The following MORC1 variants were observed in gnomAD, a reference collection of about 807,000 sequenced individuals.
MORC1 encodes the protein MORC family CW-type zinc finger 1.
MORC1 carries 59 observed loss-of-function variants against 134.9 expected under a neutral mutation model. That is an observed-to-expected ratio of 0.44 (90% CI 0.35 to 0.54). The LOEUF (loss-of-function observed/expected upper bound fraction) is 0.54. MORC1 is among the 20% of genes least tolerant of loss of function. The pLI is 0.00. For synonymous variants in MORC1, 395 were observed against 391.7 expected, an observed-to-expected ratio of 1.01 and a Z score of -0.10; for missense variants, 947 against 1,134.5, an observed-to-expected ratio of 0.83 and a Z score of 2.37.
intron 14 of MORC1, among the ~76,000 whole-genome samples, chr3:109,051,291 T>C (rs146883078): frequency 6.6e-6 from 1 of 152,226 alleles, no homozygotes; most frequent in Non-Finnish European, 1.5e-5. Flanking sequence ...CATCAGACTT[T>C]CAGCAAATAT....
chr3:109,044,853 G>A lies in MORC1; in HGVS notation c.1331-9385C>T, dbSNP rs542911304. ...CCAGCTACTTGGGAGGCTTAGGCAGGAGAATTGCTTGAAGCCAGGAGGTGG... is the reference window on the plus strand; with the variant it reads ...CCAGCTACTTGGGAGGCTTAGGCAGAAGAATTGCTTGAAGCCAGGAGGTGG... On this transcript the variant is annotated intron_variant, in intron 14 of 27. Transcript: ENST00000232603. Among the ~76,000 whole-genome samples, 81 of 70,582 alleles carry A rather than the reference G, an allele frequency of 1.1e-3. 1 individual carries two copies. The East Asian group carries it at 0.13, about 118-fold the overall frequency. 46.3% of individuals were successfully genotyped at this position (70,582 alleles called of 152,430 possible).
At chr3:109,093,231 C>T (rs998857289) in intron 8 of MORC1, among the ~76,000 whole-genome samples, 1 of 152,138 alleles carries the variant, frequency 6.6e-6, no homozygotes, top group Non-Finnish European at 1.5e-5. Flanking sequence ...GCCCCAGACC[C>T]TGTACTTCTC....
intron 12 of MORC1, among the ~76,000 whole-genome samples, chr3:109,057,994 C>T (rs959456865): frequency 1.3e-5 from 2 of 152,202 alleles, no homozygotes; most frequent in Non-Finnish European, 2.9e-5. Context: ...AGCAAGTTTA[C>T]AAGGGCAACA....
At position 109,107,938 on chromosome 3, in the gene MORC1, G is replaced by A. The variant is rs186623200; in HGVS notation, c.154+2811C>T. The stretch of plus-strand genomic sequence containing the variant: ...CAGCCATGCCTGGTGGCTCATGCCA[G>A]TAATCCCAGCACTTTGGGAGGCTGA... On this transcript the variant is annotated intron_variant, in intron 3 of 27. Coordinates refer to ENST00000232603, the MANE Select transcript of MORC1 (RefSeq NM_014429.4). Among the ~76,000 whole-genome samples the A allele has an allele frequency of 3.3e-5, 5 of 152,304 alleles. No homozygotes were observed. In the East Asian group the frequency reaches 9.7e-4, roughly 29 times the overall value.
chr3:109,089,521 T>C (rs1171402143), intron 8 of MORC1, among the ~76,000 whole-genome samples: 1 of 152,122 alleles, frequency 6.6e-6, no homozygotes, highest in East Asian at 1.9e-4. Flanking sequence ...TAAACTTTAA[T>C]CATCTGTATG....
chr3:109,114,281 C>T (rs2107809835), intron 2 of MORC1, 103 bp downstream of exon 2: 2 of 1,031,908 alleles, frequency 1.9e-6, no homozygotes, highest in African/African-American at 1.7e-5. Flanking sequence ...CAAAACATTC[C>T]AGATGGGAAA....
At chr3:108,990,930 A>G (rs893832811) in intron 21 of MORC1, among the ~76,000 whole-genome samples, 1 of 146,422 alleles carries the variant, frequency 6.8e-6, no homozygotes, top group Admixed American at 6.8e-5. Flanking sequence ...CTCTCTCTCA[A>G]CTGTATTATT....
At chr3:109,035,124 G>A (rs564215310) in intron 15 of MORC1, among the ~76,000 whole-genome samples, 7 of 151,954 alleles carry the variant, frequency 4.6e-5, no homozygotes, top group Non-Finnish European at 8.8e-5. Flanking sequence ...CCTTTTCTTT[G>A]AACCCTCAAA....
intron 8 of MORC1, among the ~76,000 whole-genome samples, chr3:109,088,518 T>C (rs550000136): frequency 1.3e-5 from 2 of 152,072 alleles, no homozygotes; most frequent in South Asian, 4.1e-4. Flanking sequence ...AAACCTACCA[T>C]CTCACACCAG....
At chr3:109,049,507 A>C (rs1459818281) in intron 14 of MORC1, among the ~76,000 whole-genome samples, 1 of 152,154 alleles carries the variant, frequency 6.6e-6, no homozygotes, top group East Asian at 1.9e-4. Context: ...TAAATCTGGG[A>C]ATATAACACA....
chr3:108,960,815 T>TC (rs1553738649), intron 27 of MORC1, among the ~76,000 whole-genome samples: 55 of 151,780 alleles, frequency 3.6e-4, no homozygotes, highest in Admixed American at 1.1e-3. Context: ...TAAAAATCTT[T>TC]AAAAAAAAAT....
At chr3:109,077,195 C>T (rs1950440028) in intron 8 of MORC1, among the ~76,000 whole-genome samples, 1 of 152,090 alleles carries the variant, frequency 6.6e-6, no homozygotes, top group East Asian at 1.9e-4. Flanking sequence ...AATAAAGACA[C>T]TTGTAGAGAT....
chr3:109,015,551 T>C (rs1271837125), intron 17 of MORC1, among the ~76,000 whole-genome samples: 1 of 152,248 alleles, frequency 6.6e-6, no homozygotes, highest in Non-Finnish European at 1.5e-5. Flanking sequence ...GAACTTACAC[T>C]GGTCAGTCTT....
chr3:108,986,979 T>A, intron 21 of MORC1, 30 bp from the exon 22 acceptor site: 1 of 1,497,906 alleles, frequency 6.7e-7, no homozygotes, highest in Non-Finnish European at 9.0e-7. Flanking sequence ...TTTAAAACTG[T>A]ACAAAAACAT....
rs1950276493 is a variant in MORC1, at chr3:109,069,775, A to G, written c.690-18T>C. 4 of 1,605,998 alleles carry G rather than the reference A, an allele frequency of 2.5e-6. No individual in the cohort carries two copies. The highest frequency in any genetic ancestry group is 3.4e-6 in the Non-Finnish European group (4 of 1,174,898). Reference sequence around the variant, plus strand: ...CTGGGAAACTGAAATAGAAAATACAAAATGTCACAATACAGAGGACACAAC... The same window carrying G: ...CTGGGAAACTGAAATAGAAAATACAGAATGTCACAATACAGAGGACACAAC... On this transcript the variant is annotated intron_variant, in intron 8 of 27. Coordinates refer to ENST00000232603, the MANE Select transcript of MORC1 (RefSeq NM_014429.4).
chr3:108,998,827 T>C (rs972995043), intron 21 of MORC1, among the ~76,000 whole-genome samples: 1 of 152,196 alleles, frequency 6.6e-6, no homozygotes, highest in Non-Finnish European at 1.5e-5. Context: ...ACAGAGACAC[T>C]AATAAATCAT....
intron 13 of MORC1, 103 bp from the exon 14 acceptor site, chr3:109,054,985 C>A: frequency 9.3e-7 from 1 of 1,078,118 alleles, no homozygotes. Context: ...AAAATAAATT[C>A]ATTCTGTTGA....
intron 21 of MORC1, among the ~76,000 whole-genome samples, chr3:108,995,845 T>C (rs1424506425): frequency 6.6e-6 from 1 of 152,192 alleles, no homozygotes; most frequent in Non-Finnish European, 1.5e-5. Context: ...TAAAAAACTT[T>C]GGAAACACAA....
chr3:109,049,045 A>G (rs888598999), intron 14 of MORC1: 29 of 709,404 alleles, frequency 4.1e-5, no homozygotes, highest in African/African-American at 5.8e-5. Flanking sequence ...AAACTGAATT[A>G]AAAAGATATG....
Sources: gnomAD v4.1 joint callset for allele counts (sites outside exome capture counted in the v4.1 genomes callset) on GRCh38, gnomAD v4.1.1 for gene constraint, MANE v1.5 for transcripts, NCBI Gene and HGNC (gene_info 2026-07-23, HGNC 2026-07-21) for gene names.